RBFOX1: variants seen among roughly 807,000 people sequenced by gnomAD.
The protein encoded by RBFOX1 is RNA binding fox-1 homolog 1, also known as RNA binding protein fox-1 homolog 1.
In RBFOX1, 8 loss-of-function variants were observed where a neutral mutation model predicts 57.7. The ratio of observed to expected loss-of-function variants is 0.14; its 90% CI spans 0.08 to 0.25. The LOEUF is 0.25. RBFOX1 is among the 10% of genes least tolerant of loss of function. The probability of loss-of-function intolerance (pLI) is 1.00; values close to 1 mark genes in which losing one functional copy is unlikely to be tolerated. For missense variants in RBFOX1, 611 were observed against 548.5 expected, an observed-to-expected ratio of 1.11 and a Z score of -1.14; for synonymous variants, 326 against 222.4, an observed-to-expected ratio of 1.47 and a Z score of -4.15.
At chr16:5,900,082 A>C (rs1397486274) in intron 4 of RBFOX1, among the ~76,000 whole-genome samples, 1 of 152,160 alleles carries the variant, frequency 6.6e-6, no homozygotes, top group Non-Finnish European at 1.5e-5. Flanking sequence ...TGTCTCAAAA[A>C]CCAAACAAAA....
At chr16:5,923,015 C>A (rs527558560) in intron 4 of RBFOX1, among the ~76,000 whole-genome samples, 3 of 152,232 alleles carry the variant, frequency 2.0e-5, no homozygotes, top group Admixed American at 2.0e-4. Flanking sequence ...TGTCTCAACC[C>A]CCATGCCTCT....
At position 7,446,795 on chromosome 16, in the gene RBFOX1, G is replaced by GTTTT. The variant is rs1567209049; in HGVS notation, c.28-71352_28-71351insTTTT. ...TATTTCTCAAGCCAAGGTAGGTCTA[G>GTTTT]GTATTTTTTTTTTTTTTTTTTTTTT... On this transcript the variant is annotated intron_variant, in intron 4 of 15. Transcript: ENST00000550418. Among the ~76,000 whole-genome samples, 37 of 128,130 alleles carry GTTTT rather than the reference G, an allele frequency of 2.9e-4. 1 individual carries two copies. Among genetic ancestry groups the GTTTT allele is most frequent in the African/African-American group, 1.0e-3 (35 of 33,976 alleles). 84.1% of individuals were successfully genotyped at this position (128,130 alleles called of 152,430 possible).
chr16:5,930,935 T>A (rs1195471003), intron 4 of RBFOX1, among the ~76,000 whole-genome samples: 1 of 21,904 alleles, frequency 4.6e-5, no homozygotes, highest in Non-Finnish European at 8.7e-5. Flanking sequence ...GGTGGGAGGA[T>A]GGGTAGGTGG....
At chr16:5,909,280 G>C (rs1242016115) in intron 4 of RBFOX1, among the ~76,000 whole-genome samples, 6 of 151,894 alleles carry the variant, frequency 4.0e-5, no homozygotes, top group Admixed American at 3.9e-4. Context: ...TTTTAGTAGA[G>C]ACTGGGTTTC....
At chr16:5,925,013 A>G (rs1322170598) in intron 4 of RBFOX1, among the ~76,000 whole-genome samples, 1 of 152,184 alleles carries the variant, frequency 6.6e-6, no homozygotes, top group Non-Finnish European at 1.5e-5. Context: ...ATTGAGGGTC[A>G]TCCTGTTATC....
At chr16:6,667,010 A>G (rs538336840) in intron 3 of RBFOX1, among the ~76,000 whole-genome samples, 1 of 152,100 alleles carries the variant, frequency 6.6e-6, no homozygotes, top group Non-Finnish European at 1.5e-5. Flanking sequence ...CCTGCCTTTT[A>G]TATTTGATTC....
At chr16:6,311,453 C>A (rs113742897) in intron 1 of RBFOX1, among the ~76,000 whole-genome samples, 1 of 151,970 alleles carries the variant, frequency 6.6e-6, no homozygotes, top group African/African-American at 2.4e-5. Context: ...GGATGGGAAG[C>A]AAAAGGAGAT....
At chr16:6,118,737 C>T (rs1256887301) in intron 1 of RBFOX1, among the ~76,000 whole-genome samples, 1 of 147,672 alleles carries the variant, frequency 6.8e-6, no homozygotes, top group African/African-American at 2.6e-5. Flanking sequence ...CTCTCTCTCT[C>T]TGTCCTTCCT....
Position 6,857,477 on chromosome 16 carries a change from G to C in RBFOX1, c.-15-194580G>C, listed in dbSNP as rs1255519207. Among the ~76,000 whole-genome samples the C allele has an allele frequency of 5.9e-5, 9 of 152,166 alleles. No homozygotes were observed. The South Asian group carries it at 1.9e-3, about 32-fold the overall frequency. On this transcript the variant is annotated intron_variant, in intron 3 of 15. Coordinates refer to ENST00000550418, the MANE Select transcript of RBFOX1 (RefSeq NM_018723.4). ...CTATTTACATGGTTTATTTCACAAGGGTCTGACTCATTGGGCATAACCAGC... is the reference window on the plus strand; with the variant it reads ...CTATTTACATGGTTTATTTCACAAGCGTCTGACTCATTGGGCATAACCAGC...
intron 3 of RBFOX1, among the ~76,000 whole-genome samples, chr16:6,998,741 C>T (rs935465993): frequency 6.6e-6 from 1 of 152,090 alleles, no homozygotes; most frequent in Admixed American, 6.6e-5. Context: ...CTTAATATAT[C>T]AGGCTCTCTT....
chr16:7,436,606 C>A (rs1203859968), intron 4 of RBFOX1, among the ~76,000 whole-genome samples: 1 of 152,160 alleles, frequency 6.6e-6, no homozygotes, highest in African/African-American at 2.4e-5. Context: ...AAAGGATTGG[C>A]GCTGGGTTAA....
At chr16:5,796,465 C>T (rs370901436) in intron 3 of RBFOX1, among the ~76,000 whole-genome samples, 2 of 152,186 alleles carry the variant, frequency 1.3e-5, no homozygotes, top group South Asian at 2.1e-4. Flanking sequence ...GAGAGAGGAA[C>T]AGGAGTGGTG....
intron 3 of RBFOX1, among the ~76,000 whole-genome samples, chr16:6,692,907 A>G (rs1420642187): frequency 6.6e-6 from 1 of 151,096 alleles, no homozygotes; most frequent in Non-Finnish European, 1.5e-5. Context: ...TATCAGCATC[A>G]TCTTCATAGT....
chr16:6,516,802 T>G (rs1598685620), intron 2 of RBFOX1, among the ~76,000 whole-genome samples: 1 of 152,206 alleles, frequency 6.6e-6, no homozygotes, highest in Middle Eastern at 3.4e-3. Flanking sequence ...TCACCAATAG[T>G]TGGTAGAGAC....
chr16:7,158,357 A>G (rs1414535322), intron 4 of RBFOX1, among the ~76,000 whole-genome samples: 1 of 152,198 alleles, frequency 6.6e-6, no homozygotes, highest in Non-Finnish European at 1.5e-5. Flanking sequence ...AAAGAAAAAG[A>G]AAAACTACAG....
chr16:6,662,136 G>A (rs1412284598), intron 3 of RBFOX1, among the ~76,000 whole-genome samples: 5 of 81,930 alleles, frequency 6.1e-5, no homozygotes, highest in Non-Finnish European at 1.4e-4. Flanking sequence ...TGGGGGCGGG[G>A]TGAAAAAAAA....
chr16:7,621,118 G>C (rs1471798896), intron 10 of RBFOX1, among the ~76,000 whole-genome samples: 1 of 152,106 alleles, frequency 6.6e-6, no homozygotes, highest in East Asian at 1.9e-4. Flanking sequence ...AGTTTGAGAA[G>C]CAAGGCCCTA....
At chr16:6,177,695 C>T (rs1288341468) in intron 1 of RBFOX1, among the ~76,000 whole-genome samples, 1 of 152,026 alleles carries the variant, frequency 6.6e-6, no homozygotes, top group Non-Finnish European at 1.5e-5. Flanking sequence ...GGAAAGGAAG[C>T]AGGATTTTAC....
intron 3 of RBFOX1, among the ~76,000 whole-genome samples, chr16:7,046,603 C>CTTTTTTTTTTTTTTT (rs59921108): frequency 1.2e-5 from 1 of 85,012 alleles, no homozygotes. Flanking sequence ...TGTGTTTTAT[C>CTTTTTTTTTTTTTTT]TTTTTTTTTT....
Sources: gnomAD v4.1 joint callset for allele counts (sites outside exome capture counted in the v4.1 genomes callset) on GRCh38, gnomAD v4.1.1 for gene constraint, MANE v1.5 for transcripts, NCBI Gene and HGNC (gene_info 2026-07-23, HGNC 2026-07-21) for gene names.